Variants in GRHL1 observed in about 807,000 individuals in gnomAD.
The protein encoded by GRHL1 is grainyhead-like protein 1 homolog.
A neutral mutation model predicts 75.7 loss-of-function variants in GRHL1; 38 were observed. The observed-to-expected ratio is 0.50, with a 90% CI of 0.39 to 0.66. The LOEUF (loss-of-function observed/expected upper bound fraction) is 0.66, where lower values mean the gene tolerates loss of function less well. Among genes scored for constraint, GRHL1 ranks in the 30% least tolerant of loss-of-function variants. The pLI is 0.00. For missense variants in GRHL1, 589 were observed against 767.5 expected (o/e 0.77, Z 2.75); for synonymous variants, 266 against 279.4 (o/e 0.95, Z 0.48).
intron 10 of GRHL1, among the ~76,000 whole-genome samples, chr2:9,991,586 TTGATA>T (rs1247413016): frequency 6.6e-6 from 1 of 152,234 alleles, no homozygotes; most frequent in African/African-American, 2.4e-5. Flanking sequence ...GTCGAGTTTC[TTGATA>T]TGTTCTGAAG....
At chr2:9,976,371 T>C (rs948414578) in intron 8 of GRHL1, among the ~76,000 whole-genome samples, 1 of 152,166 alleles carries the variant, frequency 6.6e-6, no homozygotes, top group African/African-American at 2.4e-5. Flanking sequence ...CAGAATGAGC[T>C]GTGACCTTTG....
intron 14 of GRHL1, among the ~76,000 whole-genome samples, chr2:9,997,112 T>C (rs1421621282): frequency 1.3e-5 from 2 of 152,162 alleles, no homozygotes; most frequent in African/African-American, 4.8e-5. Flanking sequence ...CTCCCCCAGC[T>C]CCCTCTGATG....
rs1296261928 is a variant in GRHL1 at position 9,951,833 on chromosome 2, G to C, written c.-1G>C. The C allele has an allele frequency of 6.6e-7, 1 of 1,522,750 alleles. No individual in the cohort carries two copies. The highest frequency in any genetic ancestry group is 8.8e-7 in the Non-Finnish European group (1 of 1,133,380). The allele number at this position is 1,522,750 out of a possible 1,614,324, so 94.3% of individuals were successfully genotyped here. On this transcript the variant is annotated 5_prime_UTR_variant, in exon 1 of 16. Coordinates refer to ENST00000324907, the MANE Select transcript of GRHL1 (RefSeq NM_198182.3). The surrounding 1 kb of genome is among the most constrained non-coding windows in gnomAD (Gnocchi z 4.2). ...CGGCCCGGCAGCGGCGAGCGGGCGC[G>C]ATGACACAGGAGTACGACAAGTGAG...
At chr2:9,982,507 C>T (rs1187272398) in intron 8 of GRHL1, among the ~76,000 whole-genome samples, 1 of 152,194 alleles carries the variant, frequency 6.6e-6, no homozygotes, top group East Asian at 1.9e-4. Context: ...TCCTGCCAGG[C>T]GATTCTAATT....
At chr2:9,961,547 G>T in intron 4 of GRHL1, 111 bp downstream of exon 4, 1 of 1,018,534 alleles carries the variant, frequency 9.8e-7, no homozygotes, top group East Asian at 2.5e-5. Context: ...GAATGGATTA[G>T]GAATAAAAGA....
At chr2:9,984,595 A>G (rs888871148) in intron 8 of GRHL1, among the ~76,000 whole-genome samples, 3 of 151,856 alleles carry the variant, frequency 2.0e-5, no homozygotes, top group Non-Finnish European at 2.9e-5. Flanking sequence ...GCGGGAGATA[A>G]CTGATTTGGA....
At chr2:9,967,840 C>G (rs1311316985) in intron 8 of GRHL1, among the ~76,000 whole-genome samples, 2 of 151,554 alleles carry the variant, frequency 1.3e-5, no homozygotes, top group Non-Finnish European at 2.9e-5. Flanking sequence ...TCTTTGCCCA[C>G]TTTCTTGTTC....
rs142705932 is a variant in GRHL1, at chr2:9,954,819, A to G, written c.21-96A>G. ...ACTTCCTAGGGTCATTGATGAAACAATAGGCTATTTTATAGGAATGTCAAG... is the reference window on the plus strand; with the variant it reads ...ACTTCCTAGGGTCATTGATGAAACAGTAGGCTATTTTATAGGAATGTCAAG... On this transcript the variant is annotated intron_variant, in intron 1 of 15. Coordinates refer to ENST00000324907, the MANE Select transcript of GRHL1 (RefSeq NM_198182.3). 10,104 of 1,032,156 alleles carry G rather than the reference A, an allele frequency of 9.8e-3. 84 individuals carry two copies. The highest frequency in any genetic ancestry group is 0.015 in the Middle Eastern group (54 of 3,618). 63.9% of individuals were successfully genotyped at this position (1,032,156 alleles called of 1,614,324 possible). A position where few individuals can be genotyped will look rare whatever the true frequency, so the allele number is the denominator to read the frequency against.
intron 14 of GRHL1, among the ~76,000 whole-genome samples, chr2:9,996,815 A>G (rs1668879890): frequency 6.6e-6 from 1 of 152,164 alleles, no homozygotes; most frequent in African/African-American, 2.4e-5. Context: ...TTGCATCAAG[A>G]CCTCACTACA....
chr2:9,979,243 T>C (rs1475552172), intron 8 of GRHL1, among the ~76,000 whole-genome samples: 1 of 151,236 alleles, frequency 6.6e-6, no homozygotes, highest in Non-Finnish European at 1.5e-5. Flanking sequence ...CTTTTTTTTT[T>C]TTTTACTCTA....
chr2:10,000,638 T>C lies in GRHL1; in HGVS notation c.1788T>C (p.Asn596=), dbSNP rs559041698. 3.7e-5 allele frequency: 60 copies of C among 1,613,574 alleles called. 1 individual carries two copies. In the South Asian group the frequency reaches 6.3e-4, roughly 17 times the overall value. The change falls in exon 16 of 16, where the codon AAT becomes AAC. Residue 596 remains asparagine, a synonymous_variant. Transcript: ENST00000324907. ...ACAACATTGTGAAGCATTACTCCAA[T>C]GAGGACACCTTCCAGCTGCAGATTG... is the stretch of plus-strand genomic sequence containing the variant. The part of the protein sequence containing the change: ...MDDNIVKHYS[N]EDTFQLQIEE...
chr2:9,965,000 A>G (rs565208302), intron 7 of GRHL1: 316 of 310,602 alleles, frequency 1.0e-3, no homozygotes, highest in Admixed American at 3.9e-3. Context: ...TCTTGGTTCT[A>G]CAGAGTAGTT....
Position 9,986,140 on chromosome 2 carries a change from AC to A in GRHL1, c.1128del (p.Cys377AlafsTer2). 6.2e-7 allele frequency: 1 copy of A among 1,609,998 alleles called. No individual in the cohort carries two copies. The highest frequency in any genetic ancestry group is 8.5e-7 in the Non-Finnish European group (1 of 1,178,284). ...CCTTGGCAGGTTTTCATCTCTGTGA[AC>A]TGCTTAAGCACAGATTTCTCTTCCC... ...NDEAKVFISV[N>X]CLSTDFSSQK... On this transcript the variant is annotated frameshift_variant, in exon 9 of 16. Coordinates refer to ENST00000324907, the MANE Select transcript of GRHL1 (RefSeq NM_198182.3). LOFTEE classifies it high-confidence loss of function.
At chr2:9,980,277 T>A (rs1191962101) in intron 8 of GRHL1, among the ~76,000 whole-genome samples, 3 of 152,132 alleles carry the variant, frequency 2.0e-5, no homozygotes, top group African/African-American at 7.2e-5. Context: ...GAAGAATCAT[T>A]ATAAATTCGT....
chr2:9,999,119 C>T, intron 15 of GRHL1, 90 bp downstream of exon 15: 1 of 474,838 alleles, frequency 2.1e-6, no homozygotes, highest in Non-Finnish European at 3.8e-6. Flanking sequence ...TGTTGACACC[C>T]CCCAGCACCA....
chr2:9,951,902 G>A lies in GRHL1; in HGVS notation c.20+49G>A, dbSNP rs752003184. ...CCGCCGCGGGGGGGCCGCGCTGAGGGGCCGCACCTGCAGCGAGCGAGCCGG... is the reference window on the plus strand; with the variant it reads ...CCGCCGCGGGGGGGCCGCGCTGAGGAGCCGCACCTGCAGCGAGCGAGCCGG... On this transcript the variant is annotated intron_variant, in intron 1 of 15. Transcript: ENST00000324907. This position sits in a 1 kb window ranked among gnomAD's most constrained non-coding sequence, Gnocchi z 4.2. The A allele has an allele frequency of 4.5e-6, 6 of 1,337,972 alleles. No homozygotes were observed. The highest frequency in any genetic ancestry group is 2.9e-6 in the Non-Finnish European group (3 of 1,020,132). 82.9% of individuals were successfully genotyped at this position (1,337,972 alleles called of 1,614,324 possible).
At chr2:9,999,142 T>C (rs972056124) in intron 15 of GRHL1, 113 bp downstream of exon 15, 70 of 353,042 alleles carry the variant, frequency 2.0e-4, no homozygotes, top group Non-Finnish European at 3.4e-4. Flanking sequence ...TAACACACCG[T>C]GCATGCTAGT....
At chr2:9,962,359 C>A in intron 4 of GRHL1, 96 bp from the exon 5 acceptor site, 1 of 723,488 alleles carries the variant, frequency 1.4e-6, no homozygotes, top group Non-Finnish European at 2.5e-6. Flanking sequence ...TAGTGGGTTG[C>A]TGTAAGCCAC....
intron 8 of GRHL1, among the ~76,000 whole-genome samples, chr2:9,972,192 CTTTTTTTTT>C (rs79565280): frequency 1.5e-5 from 2 of 134,754 alleles, no homozygotes; most frequent in Admixed American, 7.4e-5. Context: ...ATTCCTTTTT[CTTTTTTTTT>C]TTTTTTGGTC....
Sources: gnomAD v4.1 joint callset for allele counts (sites outside exome capture counted in the v4.1 genomes callset) on GRCh38, gnomAD v4.1.1 for gene constraint, Gnocchi (gnomAD v3.1) non-coding constraint, MANE v1.5 for transcripts, NCBI Gene and HGNC (gene_info 2026-07-23, HGNC 2026-07-21) for gene names.